The following DGKB variants were observed in gnomAD, a reference collection of about 807,000 sequenced individuals.
The protein encoded by DGKB is 90 kDa diacylglycerol kinase.
In DGKB, 67 loss-of-function variants were observed where a neutral mutation model predicts 114.3. The observed-to-expected ratio is 0.59, with a 90% CI of 0.48 to 0.72. DGKB has a LOEUF of 0.72. DGKB is among the 30% of genes least tolerant of loss of function. The pLI, the probability that DGKB is intolerant of heterozygous loss-of-function variation, is 0.00. For synonymous variants in DGKB, 398 were observed against 323.1 expected, an observed-to-expected ratio of 1.23 and a Z score of -2.49; for missense variants, 907 against 975.2, an observed-to-expected ratio of 0.93 and a Z score of 0.93.
At chr7:14,874,637 C>T (rs1361559819) in intron 1 of DGKB, among the ~76,000 whole-genome samples, 2 of 151,738 alleles carry the variant, frequency 1.3e-5, no homozygotes, top group African/African-American at 2.4e-5. Context: ...TAATATGTTT[C>T]CTCTGTATGG....
intron 4 of DGKB, among the ~76,000 whole-genome samples, chr7:14,748,540 G>C (rs775232568): frequency 9.9e-5 from 15 of 152,116 alleles, no homozygotes; most frequent in Non-Finnish European, 2.1e-4. Flanking sequence ...CCAGTGAGGA[G>C]GAGCAGGAAA....
At chr7:14,727,947 G>A (rs535055365) in intron 5 of DGKB, among the ~76,000 whole-genome samples, 1 of 152,092 alleles carries the variant, frequency 6.6e-6, no homozygotes, top group Non-Finnish European at 1.5e-5. Flanking sequence ...TTCTCCCAAG[G>A]TTCAAGTATC....
intron 20 of DGKB, among the ~76,000 whole-genome samples, chr7:14,526,406 C>G (rs1363226359): frequency 6.6e-6 from 1 of 152,202 alleles, no homozygotes; most frequent in South Asian, 2.1e-4. Context: ...GCGAAATCAA[C>G]TCCACTGAGA....
At chr7:14,964,348 T>C (rs1787031395) in intron 1 of DGKB, among the ~76,000 whole-genome samples, 1 of 151,864 alleles carries the variant, frequency 6.6e-6, no homozygotes, top group Non-Finnish European at 1.5e-5. Context: ...CTACAAAAAA[T>C]ATAAAAATTA....
At chr7:14,289,598 C>A (rs1458648318) in intron 23 of DGKB, among the ~76,000 whole-genome samples, 1 of 152,016 alleles carries the variant, frequency 6.6e-6, no homozygotes, top group East Asian at 1.9e-4. Context: ...TTATAAATTT[C>A]TACCTAATTC....
intron 4 of DGKB, among the ~76,000 whole-genome samples, chr7:14,740,467 G>C (rs1185185420): frequency 6.6e-6 from 1 of 152,104 alleles, no homozygotes; most frequent in African/African-American, 2.4e-5. Flanking sequence ...TCCCTTGTTT[G>C]AGAGGACCCA....
At chr7:14,649,271 A>G (rs1813874950) in intron 13 of DGKB, among the ~76,000 whole-genome samples, 1 of 151,516 alleles carries the variant, frequency 6.6e-6, no homozygotes, top group Non-Finnish European at 1.5e-5. Flanking sequence ...CTCAAAGGGA[A>G]GCCCATCAGA....
chr7:14,255,661 A>G (rs1795859451), intron 23 of DGKB, among the ~76,000 whole-genome samples: 1 of 152,122 alleles, frequency 6.6e-6, no homozygotes, highest in South Asian at 2.1e-4. Context: ...CCTGAACTTA[A>G]TGTTAATTCT....
At chr7:14,296,319 C>A (rs1385828111) in intron 23 of DGKB, among the ~76,000 whole-genome samples, 1 of 152,106 alleles carries the variant, frequency 6.6e-6, no homozygotes, top group Non-Finnish European at 1.5e-5. Flanking sequence ...CGTGAGCCAC[C>A]ATGCCCAGCC....
chr7:14,227,909 TATAAA>T (rs1274592967), intron 23 of DGKB, among the ~76,000 whole-genome samples: 1 of 151,962 alleles, frequency 6.6e-6, no homozygotes, highest in African/African-American at 2.4e-5. Context: ...CACAAGAAAA[TATAAA>T]ATAAAATAGT....
intron 16 of DGKB, among the ~76,000 whole-genome samples, chr7:14,608,355 G>A (rs1804900589): frequency 1.3e-5 from 2 of 151,760 alleles, no homozygotes; most frequent in East Asian, 3.9e-4. Context: ...TATCTCAATA[G>A]ATGCAGAAAA....
At chr7:14,837,927 A>G (rs1470409716) in intron 2 of DGKB, among the ~76,000 whole-genome samples, 1 of 152,172 alleles carries the variant, frequency 6.6e-6, no homozygotes, top group East Asian at 1.9e-4. Flanking sequence ...ATTTAAAAAT[A>G]GCGTAATAAT....
At chr7:14,504,831 C>G (rs962169933) in intron 20 of DGKB, among the ~76,000 whole-genome samples, 214 of 152,270 alleles carry the variant, frequency 1.4e-3, no homozygotes, top group African/African-American at 5.0e-3. Context: ...TGCATCTACA[C>G]TAGTCAACAT....
intron 1 of DGKB, among the ~76,000 whole-genome samples, chr7:14,921,136 T>A (rs779359339): frequency 6.6e-6 from 1 of 152,064 alleles, no homozygotes; most frequent in Admixed American, 6.6e-5. Flanking sequence ...ACTAGAGAGA[T>A]AGTAAAATAA....
chr7:14,517,754 A>G (rs10269295), intron 20 of DGKB, among the ~76,000 whole-genome samples: 66,087 of 151,928 alleles, frequency 0.43, 15,206 homozygotes, highest in East Asian at 0.73. Flanking sequence ...CAAAATCACA[A>G]TGAGATACCA....
intron 2 of DGKB, among the ~76,000 whole-genome samples, chr7:14,834,563 C>T (rs1433907885): frequency 6.6e-6 from 1 of 152,136 alleles, no homozygotes; most frequent in African/African-American, 2.4e-5. Flanking sequence ...CTCTCTGTCA[C>T]AGCAACTGCC....
intron 23 of DGKB, among the ~76,000 whole-genome samples, chr7:14,204,975 T>A (rs1554286246): frequency 6.6e-6 from 1 of 152,058 alleles, no homozygotes; most frequent in South Asian, 2.1e-4. Flanking sequence ...TCAAGAAATA[T>A]CCTATGTTTT....
At chr7:14,293,797 G>A (rs933446244) in intron 23 of DGKB, among the ~76,000 whole-genome samples, 1 of 152,104 alleles carries the variant, frequency 6.6e-6, no homozygotes, top group Non-Finnish European at 1.5e-5. Flanking sequence ...GCTTCCTGCT[G>A]CACTTGGAAT....
intron 2 of DGKB, among the ~76,000 whole-genome samples, chr7:14,796,905 C>T (rs1177736522): frequency 6.6e-6 from 1 of 152,012 alleles, no homozygotes; most frequent in East Asian, 1.9e-4. Context: ...GCTCCTTTGA[C>T]ATCTTTTTGT....
Sources: allele counts gnomAD v4.1 joint callset (sites outside exome capture counted in the v4.1 genomes callset), GRCh38; gene constraint gnomAD v4.1.1; transcripts MANE v1.5; gene names NCBI Gene and HGNC (gene_info 2026-07-23, HGNC 2026-07-21).